NEGR1: variants seen among roughly 807,000 people sequenced by gnomAD.
The protein encoded by NEGR1 is neuronal growth regulator 1.
NEGR1 carries 10 observed loss-of-function variants against 40.9 expected under a neutral mutation model. That is an observed-to-expected ratio of 0.24 (90% CI 0.15 to 0.42). The LOEUF (loss-of-function observed/expected upper bound fraction) is 0.42, where lower values mean the gene tolerates loss of function less well. Ranked by LOEUF, NEGR1 falls within the 10% of genes least tolerant of loss-of-function variation. The probability of loss-of-function intolerance (pLI) is 1.00; values close to 1 mark genes in which losing one functional copy is unlikely to be tolerated. For missense variants in NEGR1, 352 were observed against 438.9 expected, an observed-to-expected ratio of 0.80 and a Z score of 1.77; for synonymous variants, 185 against 166.8, an observed-to-expected ratio of 1.11 and a Z score of -0.84.
At chr1:71,654,195 C>A (rs1651805206) in intron 4 of NEGR1, among the ~76,000 whole-genome samples, 1 of 151,998 alleles carries the variant, frequency 6.6e-6, no homozygotes. Context: ...GGGCTCAGGG[C>A]CGGGTGTAGG....
At chr1:72,119,821 A>G (rs1164507768) in intron 1 of NEGR1, among the ~76,000 whole-genome samples, 1 of 151,994 alleles carries the variant, frequency 6.6e-6, no homozygotes, top group Admixed American at 6.6e-5. Context: ...GAGGTTGAAA[A>G]GTCCTAGAAT....
chr1:71,524,511 C>T (rs900308562), intron 6 of NEGR1, among the ~76,000 whole-genome samples: 2 of 151,682 alleles, frequency 1.3e-5, no homozygotes, highest in South Asian at 2.1e-4. Flanking sequence ...TGTACTCTAA[C>T]AAAATTCATT....
intron 3 of NEGR1, among the ~76,000 whole-genome samples, chr1:71,764,723 C>A (rs1263336343): frequency 6.6e-6 from 1 of 152,132 alleles, no homozygotes. Flanking sequence ...AAAAGCTGAT[C>A]CTCTTACAAC....
intron 6 of NEGR1, among the ~76,000 whole-genome samples, chr1:71,563,559 G>T (rs986197999): frequency 7.2e-5 from 11 of 151,970 alleles, no homozygotes; most frequent in Admixed American, 2.6e-4. Context: ...ACAAGTAAAT[G>T]GTTGCTAGGC....
intron 6 of NEGR1, among the ~76,000 whole-genome samples, chr1:71,494,891 C>T (rs1200613093): frequency 6.6e-6 from 1 of 152,072 alleles, no homozygotes; most frequent in Non-Finnish European, 1.5e-5. Context: ...CTCTGTCACC[C>T]CTGAGACAGC....
At chr1:72,191,807 T>C (rs1488253061) in intron 1 of NEGR1, among the ~76,000 whole-genome samples, 1 of 151,834 alleles carries the variant, frequency 6.6e-6, no homozygotes, top group Non-Finnish European at 1.5e-5. Context: ...TGTATCTATC[T>C]TGCCTAGGCC....
rs1655980781 is a variant in NEGR1 at position 72,274,766 on chromosome 1, T to A, written c.176+7553A>T. 18 of 1,292,610 alleles carry A rather than the reference T, an allele frequency of 1.4e-5. No homozygotes were observed. The South Asian group carries it at 2.1e-4, about 15-fold the overall frequency. The allele number at this position is 1,292,610 out of a possible 1,614,324, so 80.1% of individuals were successfully genotyped here. ...GGAGAAATTGCTTGCTGTAAGCAGT[T>A]CATCTGTGACCCCAGCTGTGTAAAA... On this transcript the variant is annotated intron_variant, in intron 1 of 6. Coordinates refer to ENST00000357731, the MANE Select transcript of NEGR1 (RefSeq NM_173808.3).
intron 2 of NEGR1, among the ~76,000 whole-genome samples, chr1:71,866,850 G>A (rs1028121863): frequency 3.6e-4 from 55 of 152,142 alleles, no homozygotes; most frequent in African/African-American, 1.2e-3. Flanking sequence ...GATAAGAAAG[G>A]TTCTACATCA....
intron 6 of NEGR1, among the ~76,000 whole-genome samples, chr1:71,455,763 T>C (rs1646668372): frequency 6.6e-6 from 1 of 152,210 alleles, no homozygotes. Context: ...TACTTTTATC[T>C]GCACTTTATT....
chr1:71,770,339 C>A (rs552588093), intron 3 of NEGR1, among the ~76,000 whole-genome samples: 7 of 152,132 alleles, frequency 4.6e-5, no homozygotes, highest in Admixed American at 3.3e-4. Context: ...TTAGATAAAA[C>A]CACACAAAAT....
intron 1 of NEGR1, among the ~76,000 whole-genome samples, chr1:72,090,915 T>C (rs1648462662): frequency 6.6e-6 from 1 of 152,158 alleles, no homozygotes. Context: ...TACCATAATG[T>C]CTCCGAAAAC....
chr1:72,143,900 T>TA (rs1436784549), intron 1 of NEGR1, among the ~76,000 whole-genome samples: 26 of 80,650 alleles, frequency 3.2e-4, no homozygotes, highest in African/African-American at 1.3e-3. Flanking sequence ...ATATATTATA[T>TA]ATATGATATA....
chr1:71,741,617 AT>A (rs1006979068), intron 3 of NEGR1, among the ~76,000 whole-genome samples: 5 of 152,126 alleles, frequency 3.3e-5, no homozygotes, highest in African/African-American at 1.2e-4. Flanking sequence ...AATTTATGTT[AT>A]TTGGTGGTAA....
intron 1 of NEGR1, among the ~76,000 whole-genome samples, chr1:72,168,253 C>T (rs1024677281): frequency 2.0e-5 from 3 of 152,038 alleles, no homozygotes; most frequent in African/African-American, 2.4e-5. Flanking sequence ...ATCCACCAGC[C>T]TCAGCCTCCC....
intron 1 of NEGR1, among the ~76,000 whole-genome samples, chr1:72,257,113 G>A (rs1176920309): frequency 6.6e-6 from 1 of 151,986 alleles, no homozygotes; most frequent in African/African-American, 2.4e-5. Context: ...ACGAGGTCAG[G>A]AGATTGAGAC....
intron 1 of NEGR1, among the ~76,000 whole-genome samples, chr1:72,174,490 A>G (rs898886678): frequency 6.6e-6 from 1 of 152,118 alleles, no homozygotes; most frequent in Non-Finnish European, 1.5e-5. Flanking sequence ...CTGTCTATTC[A>G]TTTCTTTCTC....
At chr1:72,120,543 G>T (rs1202059943) in intron 1 of NEGR1, among the ~76,000 whole-genome samples, 1 of 151,214 alleles carries the variant, frequency 6.6e-6, no homozygotes, top group East Asian at 2.0e-4. Context: ...AAGTTTTAGG[G>T]TACATGTGCA....
intron 6 of NEGR1, among the ~76,000 whole-genome samples, chr1:71,470,417 A>T (rs920743244): frequency 2.0e-5 from 3 of 152,136 alleles, no homozygotes; most frequent in Admixed American, 1.3e-4. Flanking sequence ...CATTCCTAAA[A>T]GAGTTTTCAT....
chr1:72,173,622 T>G (rs1652046568), intron 1 of NEGR1, among the ~76,000 whole-genome samples: 1 of 151,958 alleles, frequency 6.6e-6, no homozygotes, highest in Non-Finnish European at 1.5e-5. Context: ...TTATTCCTGC[T>G]CTACTAAATA....
Sources: allele counts gnomAD v4.1 joint callset (sites outside exome capture counted in the v4.1 genomes callset), GRCh38; gene constraint gnomAD v4.1.1; transcripts MANE v1.5; gene names NCBI Gene and HGNC (gene_info 2026-07-23, HGNC 2026-07-21).